COL5A2: variants seen among roughly 807,000 people sequenced by gnomAD.
The protein encoded by COL5A2 is collagen type V alpha 2 chain.
COL5A2 carries 23 observed loss-of-function variants against 208.2 expected under a neutral mutation model. The ratio of observed to expected loss-of-function variants is 0.11; its 90% CI spans 0.08 to 0.16. COL5A2 has a LOEUF of 0.16. Among genes scored for constraint, COL5A2 ranks in the 10% least tolerant of loss-of-function variants. COL5A2 has a pLI of 1.00. For synonymous variants in COL5A2, 625 were observed against 628.5 expected, an observed-to-expected ratio of 0.99 and a Z score of 0.08; for missense variants, 1,590 against 1,956.4, an observed-to-expected ratio of 0.81 and a Z score of 3.53.
intron 47 of COL5A2, among the ~76,000 whole-genome samples, chr2:189,044,642 CA>C (rs1321491554): frequency 2.0e-5 from 3 of 151,964 alleles, no homozygotes; most frequent in Non-Finnish European, 4.4e-5. Context: ...TTTTTGAGAA[CA>C]GACATTGATT....
the COL5A2 span, among the ~76,000 whole-genome samples, chr2:189,283,412 C>A: frequency 6.6e-6 from 1 of 151,802 alleles, no homozygotes; most frequent in Non-Finnish European, 1.5e-5. Context: ...GTCTTCCTCC[C>A]AAGAACTCAT....
At chr2:189,358,874 T>G in the COL5A2 span, among the ~76,000 whole-genome samples, 3 of 152,188 alleles carry the variant, frequency 2.0e-5, no homozygotes, top group Non-Finnish European at 2.9e-5. Context: ...TTCAGATTGT[T>G]TGCTATTGAT....
At chr2:189,208,670 T>A (rs1012254990) in intron 1 of COL5A2, among the ~76,000 whole-genome samples, 4 of 152,216 alleles carry the variant, frequency 2.6e-5, no homozygotes, top group African/African-American at 9.7e-5. Flanking sequence ...AACTTTATCC[T>A]ACAGGCAATG....
Position 189,032,336 on chromosome 2 carries a change from C to T in COL5A2, c.*1734G>A, listed in dbSNP as rs536556787. 2 of 152,124 alleles carry T rather than the reference C, an allele frequency of 1.3e-5. No homozygotes were observed. Among genetic ancestry groups the T allele is most frequent in the East Asian group, 1.9e-4 (1 of 5,174 alleles). The allele number at this position is 152,124 out of a possible 1,614,324, so 9.4% of individuals were successfully genotyped here. ...GCAGTGATAATTGGTGTCATGTTGCCTTTGTGGGTAATGTTGTAGATAGAT... is the reference window on the plus strand; with the variant it reads ...GCAGTGATAATTGGTGTCATGTTGCTTTTGTGGGTAATGTTGTAGATAGAT... On this transcript the variant is annotated 3_prime_UTR_variant, in exon 54 of 54. Transcript: ENST00000374866.
chr2:189,430,663 G>A, the COL5A2 span, among the ~76,000 whole-genome samples: 2,981 of 146,800 alleles, frequency 0.02, 99 homozygotes, highest in African/African-American at 0.07. Flanking sequence ...GGCTTGAGTA[G>A]GTAAACAAAG....
At chr2:189,364,601 C>T in the COL5A2 span, among the ~76,000 whole-genome samples, 1 of 151,882 alleles carries the variant, frequency 6.6e-6, no homozygotes, top group East Asian at 1.9e-4. Flanking sequence ...GCAGGAGAAT[C>T]GCAAGAATCC....
chr2:189,110,076 T>A, intron 2 of COL5A2, 149 bp downstream of exon 2: 1 of 680,118 alleles, frequency 1.5e-6, no homozygotes, highest in Non-Finnish European at 2.7e-6. Flanking sequence ...ATGAAGTGAG[T>A]GAGCAAAATC....
chr2:189,088,088 C>T (rs1686703663), intron 8 of COL5A2, among the ~76,000 whole-genome samples: 1 of 152,104 alleles, frequency 6.6e-6, no homozygotes, highest in South Asian at 2.1e-4. Context: ...TTGAACTATG[C>T]TATGAGCAAT....
chr2:189,202,800 G>A (rs1220581543), intron 1 of COL5A2, among the ~76,000 whole-genome samples: 2 of 152,086 alleles, frequency 1.3e-5, no homozygotes, highest in Admixed American at 6.5e-5. Context: ...TGGAATCAGA[G>A]ACATAAAATT....
At chr2:189,337,610 T>C in the COL5A2 span, among the ~76,000 whole-genome samples, 2 of 152,288 alleles carry the variant, frequency 1.3e-5, no homozygotes, top group South Asian at 2.1e-4. Flanking sequence ...GGAGGAAGCA[T>C]AGATTAGAAT....
intron 1 of COL5A2, among the ~76,000 whole-genome samples, chr2:189,118,452 C>G (rs946361805): frequency 6.6e-6 from 1 of 152,112 alleles, no homozygotes; most frequent in Middle Eastern, 3.4e-3. Flanking sequence ...TATTTAGGGC[C>G]TCTAGAGAAA....
Position 189,166,778 on chromosome 2 carries a change from A to G in COL5A2, c.97+12730T>C, listed in dbSNP as rs549459537. Among the ~76,000 whole-genome samples the G allele has an allele frequency of 2.6e-5, 4 of 152,310 alleles. No homozygotes were observed. In the South Asian group the frequency reaches 8.3e-4, roughly 32 times the overall value. ...CTCGTGGCGAGAAAATATTGAGAAA[A>G]AGATCTTAAAAGGCAAATTACCATA... On this transcript the variant is annotated intron_variant, in intron 1 of 53. Coordinates refer to ENST00000374866, the MANE Select transcript of COL5A2 (RefSeq NM_000393.5).
the COL5A2 span, among the ~76,000 whole-genome samples, chr2:189,422,531 A>G: frequency 6.6e-6 from 1 of 152,218 alleles, no homozygotes; most frequent in Non-Finnish European, 1.5e-5. Context: ...ATAGTATTTA[A>G]ACTACTATTT....
chr2:189,137,581 T>C (rs1447831303), intron 1 of COL5A2, among the ~76,000 whole-genome samples: 4 of 152,214 alleles, frequency 2.6e-5, no homozygotes, highest in African/African-American at 9.7e-5. Context: ...TCTTATCTTA[T>C]TAATTTGTTA....
rs113311693 is a variant in COL5A2, at chr2:189,033,555, G to A, written c.*515C>T. The A allele has an allele frequency of 0.011, 1,906 of 167,378 alleles. 50 individuals are homozygous for A. The highest frequency in any genetic ancestry group is 0.042 in the African/African-American group (1,749 of 41,350). 10.4% of individuals were successfully genotyped at this position (167,378 alleles called of 1,614,324 possible). A position where few individuals can be genotyped will look rare whatever the true frequency, so the allele number is the denominator to read the frequency against. Reference sequence around the variant, plus strand: ...ATATCAAGACATGCATGTAGGTCTCGATCACAAGTTAAACATTTTAAACTC... The same window carrying A: ...ATATCAAGACATGCATGTAGGTCTCAATCACAAGTTAAACATTTTAAACTC... On this transcript the variant is annotated 3_prime_UTR_variant, in exon 54 of 54. Transcript: ENST00000374866.
At chr2:189,234,730 T>G in the COL5A2 span, among the ~76,000 whole-genome samples, 3 of 151,792 alleles carry the variant, frequency 2.0e-5, no homozygotes, top group African/African-American at 7.2e-5. Flanking sequence ...AATTACATAA[T>G]GCATACTTTT....
At chr2:189,304,211 AT>A in the COL5A2 span, among the ~76,000 whole-genome samples, 2 of 152,204 alleles carry the variant, frequency 1.3e-5, no homozygotes, top group Admixed American at 6.5e-5. Context: ...CTTGGATTTC[AT>A]AAGTAAATAA....
intron 1 of COL5A2, among the ~76,000 whole-genome samples, chr2:189,157,224 T>C (rs1237030409): frequency 6.6e-6 from 1 of 151,200 alleles, no homozygotes; most frequent in Admixed American, 6.6e-5. Flanking sequence ...GTGCTAAGAC[T>C]TATAGATCAT....
chr2:189,163,332 A>T (rs1218763556), intron 1 of COL5A2, among the ~76,000 whole-genome samples: 1 of 152,220 alleles, frequency 6.6e-6, no homozygotes, highest in East Asian at 1.9e-4. Flanking sequence ...ATCCCTTCTC[A>T]CCAAAAACAT....
Sources: gnomAD v4.1 joint callset for allele counts (sites outside exome capture counted in the v4.1 genomes callset) on GRCh38, gnomAD v4.1.1 for gene constraint, MANE v1.5 for transcripts, NCBI Gene and HGNC (gene_info 2026-07-23, HGNC 2026-07-21) for gene names.